GRB2: variants seen among roughly 807,000 people sequenced by gnomAD.
GRB2 encodes the protein growth factor receptor-bound protein 2.
Under a neutral mutation model 27.4 loss-of-function variants are expected in GRB2, and 2 were observed. That is an observed-to-expected ratio of 0.07 (90% CI 0.03 to 0.23). GRB2 has a LOEUF of 0.23. Among genes scored for constraint, GRB2 ranks in the 10% least tolerant of loss-of-function variants. The pLI is 1.00. For synonymous variants in GRB2, 94 were observed against 99.6 expected (o/e 0.94, Z 0.33); for missense variants, 102 against 282.4 (o/e 0.36, Z 4.58).
Position 75,354,588 on chromosome 17 carries a change from C to T in GRB2, c.79-21791G>A, listed in dbSNP as rs183045586. Among the ~76,000 whole-genome samples, 36 of 152,184 alleles carry T rather than the reference C, an allele frequency of 2.4e-4. 1 individual carries two copies. The highest frequency in any genetic ancestry group is 8.4e-4 in the African/African-American group (35 of 41,514). On this transcript the variant is annotated intron_variant, in intron 2 of 5. Transcript: ENST00000316804. ...TCTGAGGTTGAACAGTCATCCTGAA[C>T]CATCTCGACCCCCCACTTCCATGGA...
intron 4 of GRB2, among the ~76,000 whole-genome samples, chr17:75,324,056 C>T (rs1292139501): frequency 6.6e-6 from 1 of 151,818 alleles, no homozygotes; most frequent in Non-Finnish European, 1.5e-5. Context: ...ATGATCGGCC[C>T]GCCTCAGCCT....
At chr17:75,330,100 TG>T (rs2078528846) in intron 3 of GRB2, among the ~76,000 whole-genome samples, 1 of 151,918 alleles carries the variant, frequency 6.6e-6, no homozygotes, top group African/African-American at 2.4e-5. Flanking sequence ...AGATGGGCTT[TG>T]GGCCGGGTGT....
At chr17:75,321,428 C>T (rs1002501596) in intron 5 of GRB2, among the ~76,000 whole-genome samples, 4 of 152,036 alleles carry the variant, frequency 2.6e-5, no homozygotes, top group Non-Finnish European at 5.9e-5. Context: ...CTGCCTGCCT[C>T]GGCCTCCCAA....
At chr17:75,321,578 G>T in intron 5 of GRB2, 81 bp downstream of exon 5, 1 of 1,322,706 alleles carries the variant, frequency 7.6e-7, no homozygotes, top group Non-Finnish European at 1.1e-6. Context: ...GTTGAGGGGC[G>T]CCTCCCCTTT....
intron 1 of GRB2, among the ~76,000 whole-genome samples, chr17:75,403,729 A>C (rs1425677568): frequency 6.6e-6 from 1 of 151,920 alleles, no homozygotes; most frequent in Non-Finnish European, 1.5e-5. Context: ...GCACCACTGC[A>C]CTCCAGCCTG....
At chr17:75,325,734 C>T (rs920073474) in intron 4 of GRB2, among the ~76,000 whole-genome samples, 164 bp downstream of exon 4, 4 of 152,212 alleles carry the variant, frequency 2.6e-5, no homozygotes, top group African/African-American at 7.2e-5. Flanking sequence ...GCTTCTAGAA[C>T]TCATTTTGAG....
chr17:75,329,117 C>T (rs548427651), intron 3 of GRB2, among the ~76,000 whole-genome samples: 7 of 151,944 alleles, frequency 4.6e-5, no homozygotes, highest in Non-Finnish European at 1.0e-4. Context: ...AAAATCCACA[C>T]ATGGCCTCGG....
intron 2 of GRB2, among the ~76,000 whole-genome samples, chr17:75,370,174 C>T (rs1183035642): frequency 6.6e-6 from 1 of 152,190 alleles, no homozygotes; most frequent in East Asian, 1.9e-4. Flanking sequence ...ATGCAACGTT[C>T]AAGCTCCAAG....
chr17:75,372,559 G>A (rs2078862883), intron 2 of GRB2: 1 of 152,164 alleles, frequency 6.6e-6, no homozygotes, highest in Non-Finnish European at 1.5e-5. Flanking sequence ...CTTCAAGCAC[G>A]AAAACAGTGA....
At chr17:75,366,292 T>TA (rs34200691) in intron 2 of GRB2, among the ~76,000 whole-genome samples, 11,455 of 152,232 alleles carry the variant, frequency 0.075, 442 homozygotes, top group Middle Eastern at 0.13. Context: ...TAGGCTAGTA[T>TA]AACACATTCT....
At chr17:75,388,442 T>C (rs1229247351) in intron 2 of GRB2, among the ~76,000 whole-genome samples, 3 of 152,092 alleles carry the variant, frequency 2.0e-5, no homozygotes, top group Non-Finnish European at 4.4e-5. Flanking sequence ...TGCAATATTC[T>C]GGTTTAGTCA....
chr17:75,398,139 A>G (rs2079040494), intron 1 of GRB2, among the ~76,000 whole-genome samples: 1 of 151,834 alleles, frequency 6.6e-6, no homozygotes. Context: ...AGAAATTTTA[A>G]ATGTTACTCT....
At chr17:75,366,158 C>G (rs1388813229) in intron 2 of GRB2, among the ~76,000 whole-genome samples, 1 of 150,600 alleles carries the variant, frequency 6.6e-6, no homozygotes, top group African/African-American at 2.5e-5. Flanking sequence ...AATTTCAGAG[C>G]AGAACTTGGA....
intron 2 of GRB2, among the ~76,000 whole-genome samples, chr17:75,376,548 C>G (rs1440289851): frequency 6.7e-6 from 1 of 149,590 alleles, no homozygotes; most frequent in Non-Finnish European, 1.5e-5. Context: ...ATTAGTGAAG[C>G]ATGAACTTCT....
rs1446539651 is a variant in GRB2 at position 75,354,268 on chromosome 17, G to GC, written c.79-21472_79-21471insG. Among the ~76,000 whole-genome samples, 37 of 106,240 alleles carry GC rather than the reference G, an allele frequency of 3.5e-4. 1 individual carries two copies. The Middle Eastern group carries it at 0.012, about 33-fold the overall frequency. 69.7% of individuals were successfully genotyped at this position (106,240 alleles called of 152,430 possible). A position where few individuals can be genotyped will look rare whatever the true frequency, so the allele number is the denominator to read the frequency against. On this transcript the variant is annotated intron_variant, in intron 2 of 5. Coordinates refer to ENST00000316804, the MANE Select transcript of GRB2 (RefSeq NM_002086.5). ...TTTATTCATGGTCTTTTTTTTTGGGGGGGGGGGGGAGATGGAGTTTCACTC... is the reference window on the plus strand; with the variant it reads ...TTTATTCATGGTCTTTTTTTTTGGGGCGGGGGGGGGAGATGGAGTTTCACTC...
intron 2 of GRB2, among the ~76,000 whole-genome samples, chr17:75,333,081 G>GTT (rs57838948): frequency 1.4e-4 from 20 of 146,670 alleles, no homozygotes; most frequent in South Asian, 8.6e-4. Flanking sequence ...AGTATTAGTT[G>GTT]TTTTTTTTTT....
At chr17:75,376,378 C>T (rs575880356) in intron 2 of GRB2, among the ~76,000 whole-genome samples, 83 of 149,816 alleles carry the variant, frequency 5.5e-4, no homozygotes, top group Non-Finnish European at 1.0e-3. Flanking sequence ...TTTTTTAACC[C>T]GACCTGGTGG....
At chr17:75,404,855 C>G (rs1053606186) in intron 1 of GRB2, 1 of 152,176 alleles carries the variant, frequency 6.6e-6, no homozygotes, top group African/African-American at 2.4e-5. Context: ...ATAGAGAGGG[C>G]GCGCTGCAAA....
chr17:75,329,059 T>C (rs1483735729), intron 3 of GRB2, among the ~76,000 whole-genome samples: 1 of 151,736 alleles, frequency 6.6e-6, no homozygotes, highest in African/African-American at 2.4e-5. Context: ...GGGCCCTGGG[T>C]TTCTAATATA....
Sources: allele counts gnomAD v4.1 joint callset (sites outside exome capture counted in the v4.1 genomes callset), GRCh38; gene constraint gnomAD v4.1.1; transcripts MANE v1.5; gene names NCBI Gene and HGNC (gene_info 2026-07-23, HGNC 2026-07-21).